Variants in VOPP1 observed in about 807,000 individuals in gnomAD.
VOPP1 encodes the protein WW domain binding protein VOPP1.
Under a neutral mutation model 23.5 loss-of-function variants are expected in VOPP1, and 8 were observed. That is an observed-to-expected ratio of 0.34 (90% CI 0.20 to 0.61). VOPP1 has a LOEUF of 0.61. VOPP1 is among the 20% of genes least tolerant of loss of function. VOPP1 has a pLI of 0.78. For synonymous variants in VOPP1, 83 were observed against 97.3 expected (o/e 0.85, Z 0.86); for missense variants, 174 against 238.1 (o/e 0.73, Z 1.77).
At chr7:55,470,528 C>G (rs190119808), downstream of VOPP1, 4 of 148,720 alleles carry the variant, frequency 2.7e-5, no homozygotes, top group Admixed American at 2.7e-4. Flanking sequence ...CCCCACTGAA[C>G]CAAGGATCTG....
intron 4 of VOPP1, among the ~76,000 whole-genome samples, chr7:55,457,632 T>A (rs1006275932): frequency 3.3e-5 from 5 of 151,088 alleles, no homozygotes; most frequent in Non-Finnish European, 7.4e-5. Context: ...TTTTTTTTGG[T>A]CTTTTTAATA....
chr7:55,461,624 G>A (rs1791503018), intron 4 of VOPP1, among the ~76,000 whole-genome samples: 1 of 152,034 alleles, frequency 6.6e-6, no homozygotes, highest in South Asian at 2.1e-4. Context: ...CACCATGTTG[G>A]CCAGGCTGGT....
intron 1 of VOPP1, among the ~76,000 whole-genome samples, chr7:55,522,662 G>A (rs1056231101): frequency 2.6e-5 from 4 of 152,054 alleles, no homozygotes; most frequent in Admixed American, 2.6e-4. Flanking sequence ...ACAATCAAGA[G>A]GTGAGGCCAG....
At chr7:55,446,428 T>C (rs1317400258) in intron 4 of VOPP1, among the ~76,000 whole-genome samples, 20 of 152,330 alleles carry the variant, frequency 1.3e-4, no homozygotes, top group Non-Finnish European at 5.9e-5. Flanking sequence ...AACTTAGAGA[T>C]ACCACACCCT....
At position 55,437,987 on chromosome 7, in the gene VOPP1, C is replaced by G. The variant is rs1790873384; in HGVS notation, n.418-1813G>C. ...TCAGCTCACTGTAACCTCTGCCTCC[C>G]AGGTTCAAGTGATTCTCATGCCTCA... On this transcript the variant is annotated intron_variant and non_coding_transcript_variant, in intron 4 of 4. Coordinates refer to the VOPP1 transcript ENST00000462326. Among the ~76,000 whole-genome samples the G allele has an allele frequency of 2.0e-5, 3 of 151,814 alleles. No individual in the cohort carries two copies. The South Asian group carries it at 6.2e-4, about 32-fold the overall frequency.
At chr7:55,537,848 G>C (rs982866125) in intron 1 of VOPP1, among the ~76,000 whole-genome samples, 1 of 152,164 alleles carries the variant, frequency 6.6e-6, no homozygotes, top group African/African-American at 2.4e-5. Flanking sequence ...ATGAAAGGGG[G>C]AACTGCCCAC....
Position 55,526,969 on chromosome 7 carries a change from A to G in VOPP1, c.55-5839T>C, listed in dbSNP as rs1425244404. 2.0e-5 allele frequency: 3 copies of G among 152,224 alleles called. No homozygotes were observed. In the East Asian group the frequency reaches 5.8e-4, roughly 29 times the overall value. The allele number at this position is 152,224 out of a possible 1,614,324, so 9.4% of individuals were successfully genotyped here. On this transcript the variant is annotated intron_variant, in intron 1 of 4. Transcript: ENST00000285279. ...AGGCAATGAGATCCCAGCTGCTTTC[A>G]GCTTGAGCCCAATTAGAGTGGGCTC... is the stretch of plus-strand genomic sequence containing the variant.
At chr7:55,523,885 A>G (rs897039128) in intron 1 of VOPP1, among the ~76,000 whole-genome samples, 2 of 152,246 alleles carry the variant, frequency 1.3e-5, no homozygotes, top group African/African-American at 2.4e-5. Context: ...TCTTCTGAGT[A>G]TATCTTTTTA....
intron 1 of VOPP1, among the ~76,000 whole-genome samples, chr7:55,563,474 AGATCAC>A (rs1259761501): frequency 1.3e-5 from 2 of 152,256 alleles, no homozygotes; most frequent in African/African-American, 2.4e-5. Flanking sequence ...ATGATAAACA[AGATCAC>A]ACAGGTTGAG....
At chr7:55,462,104 G>A (rs753986797) in intron 4 of VOPP1, among the ~76,000 whole-genome samples, 2 of 152,174 alleles carry the variant, frequency 1.3e-5, no homozygotes, top group East Asian at 3.8e-4. Context: ...CAACTTTGCC[G>A]AGTATAGTGT....
At chr7:55,475,087 G>C (rs897122439) in intron 4 of VOPP1, among the ~76,000 whole-genome samples, 1 of 152,224 alleles carries the variant, frequency 6.6e-6, no homozygotes, top group Non-Finnish European at 1.5e-5. Context: ...GACTGTAGGA[G>C]GGGACGGGTG....
At chr7:55,450,152 C>A (rs545055488) in intron 4 of VOPP1, among the ~76,000 whole-genome samples, 103 of 152,344 alleles carry the variant, frequency 6.8e-4, no homozygotes, top group Middle Eastern at 3.4e-3. Context: ...CCTGAGCTTC[C>A]CCTTGGGAGT....
At chr7:55,555,022 G>T (rs770047430) in intron 1 of VOPP1, among the ~76,000 whole-genome samples, 12 of 152,198 alleles carry the variant, frequency 7.9e-5, no homozygotes, top group Non-Finnish European at 4.4e-5. Flanking sequence ...CAGGTGAAAG[G>T]TGCTGTTTAC....
At chr7:55,560,919 C>G (rs1298596284) in intron 1 of VOPP1, among the ~76,000 whole-genome samples, 1 of 152,144 alleles carries the variant, frequency 6.6e-6, no homozygotes, top group African/African-American at 2.4e-5. Context: ...AATAATTCCC[C>G]AAAATCCTCT....
intron 2 of VOPP1, among the ~76,000 whole-genome samples, chr7:55,511,440 A>G (rs1338593527): frequency 6.6e-6 from 1 of 152,252 alleles, no homozygotes; most frequent in East Asian, 1.9e-4. Flanking sequence ...ATGTCTGCTC[A>G]AATATGTTCT....
At chr7:55,536,799 C>T (rs1226510748) in intron 1 of VOPP1, among the ~76,000 whole-genome samples, 1 of 152,170 alleles carries the variant, frequency 6.6e-6, no homozygotes, top group African/African-American at 2.4e-5. Flanking sequence ...TCAGGCAGCG[C>T]ATCTGCCACA....
chr7:55,513,727 T>C (rs1795229278), intron 2 of VOPP1, among the ~76,000 whole-genome samples: 2 of 152,204 alleles, frequency 1.3e-5, no homozygotes, highest in African/African-American at 2.4e-5. Flanking sequence ...ATTCTGAGAA[T>C]GGAGGTAAGT....
At chr7:55,478,542 A>C (rs927387297) in intron 4 of VOPP1, among the ~76,000 whole-genome samples, 6 of 152,240 alleles carry the variant, frequency 3.9e-5, no homozygotes, top group Admixed American at 3.3e-4. Flanking sequence ...TTCTCTCCCA[A>C]GGAGAATGGT....
At chr7:55,467,357 C>A (rs116112456), downstream of VOPP1, among the ~76,000 whole-genome samples, 356 of 152,346 alleles carry the variant, frequency 2.3e-3, 5 homozygotes, top group African/African-American at 8.2e-3. Flanking sequence ...GTCCCTGGCA[C>A]AGCTATTCTC....
Sources: gnomAD v4.1 joint callset for allele counts (sites outside exome capture counted in the v4.1 genomes callset) on GRCh38, gnomAD v4.1.1 for gene constraint, MANE v1.5 for transcripts, NCBI Gene and HGNC (gene_info 2026-07-23, HGNC 2026-07-21) for gene names.